CNOT1: variants seen among roughly 807,000 people sequenced by gnomAD.
The protein encoded by CNOT1 is CCR4-associated factor 1.
Under a neutral mutation model 273.8 loss-of-function variants are expected in CNOT1, and 15 were observed. The observed-to-expected ratio is 0.05, with a 90% CI of 0.04 to 0.08. The LOEUF (loss-of-function observed/expected upper bound fraction) is 0.08. Among genes scored for constraint, CNOT1 ranks in the 10% least tolerant of loss-of-function variants. The pLI is 1.00. For missense variants in CNOT1, 1,644 were observed against 2,912.2 expected (o/e 0.56, Z 10.02); for synonymous variants, 1,022 against 1,005.5 (o/e 1.02, Z -0.31).
chr16:58,602,180 T>C (rs2042490316), intron 1 of CNOT1, among the ~76,000 whole-genome samples: 2 of 151,016 alleles, frequency 1.3e-5, no homozygotes, highest in South Asian at 4.3e-4. Flanking sequence ...ACGATTCTCC[T>C]GCCTCAGCCT....
intron 1 of CNOT1, among the ~76,000 whole-genome samples, chr16:58,621,860 GACATCGCACC>G (rs2043334258): frequency 7.1e-6 from 1 of 141,796 alleles, no homozygotes; most frequent in East Asian, 2.2e-4. Context: ...GCAGTGAGCC[GACATCGCACC>G]ACTGCACTCC....
At chr16:58,618,161 G>C (rs1597612126) in intron 1 of CNOT1, among the ~76,000 whole-genome samples, 1 of 152,126 alleles carries the variant, frequency 6.6e-6, no homozygotes, top group Admixed American at 6.6e-5. Context: ...GTGGTGGATT[G>C]TGTACTTGCA....
At chr16:58,602,553 CAAAAAAAAAA>C (rs60230860) in intron 1 of CNOT1, among the ~76,000 whole-genome samples, 5 of 57,972 alleles carry the variant, frequency 8.6e-5, no homozygotes, top group African/African-American at 2.5e-4. Flanking sequence ...ACTCTGTCTC[CAAAAAAAAAA>C]AAAAAAAAAA....
chr16:58,541,687 G>A, intron 33 of CNOT1, 67 bp from the exon 34 acceptor site: 2 of 1,538,030 alleles, frequency 1.3e-6, no homozygotes, highest in Non-Finnish European at 1.8e-6. Context: ...TTTGAAAGTG[G>A]AAAGTCTGCA....
intron 1 of CNOT1, among the ~76,000 whole-genome samples, chr16:58,618,870 T>C (rs1331082447): frequency 6.6e-6 from 1 of 152,116 alleles, no homozygotes; most frequent in African/African-American, 2.4e-5. Flanking sequence ...AACAGCCTTG[T>C]GTATGTGCCT....
rs1158300433 is a variant in CNOT1, at chr16:58,576,575, G to A, written c.1592C>T (p.Ser531Phe). 1 of 1,614,044 alleles carries A rather than the reference G, an allele frequency of 6.2e-7. No homozygotes were observed. The highest frequency in any genetic ancestry group is 8.5e-7 in the Non-Finnish European group (1 of 1,180,006). The stretch of plus-strand genomic sequence containing the variant: ...CATGATAAGTTGGCGAATTGAGGGA[G>A]ACTGTCCCTAAAAAGGGGAAGAAAG... ...LHYAWHGQGQSPSIRQLIMHA... is the reference protein window; with the variant it reads ...LHYAWHGQGQFPSIRQLIMHA... Residue 531 changes from serine to phenylalanine, a missense_variant, in exon 14 of 49, where the codon TCT becomes TTT. Coordinates refer to ENST00000317147, the MANE Select transcript of CNOT1 (RefSeq NM_016284.5).
At chr16:58,538,697 G>T (rs1455470107) in intron 36 of CNOT1, 75 bp downstream of exon 36, 1 of 1,580,212 alleles carries the variant, frequency 6.3e-7, no homozygotes, top group Non-Finnish European at 8.6e-7. Flanking sequence ...GAAACCCCTG[G>T]ACATAAACAG....
rs1211578963 is a variant in CNOT1, at chr16:58,532,069, T to C, written c.6066A>G (p.Thr2022=). 1.9e-6 allele frequency: 3 copies of C among 1,613,960 alleles called. No individual in the cohort carries two copies. The highest frequency in any genetic ancestry group is 2.5e-6 in the Non-Finnish European group (3 of 1,180,032). Residue 2022 remains threonine (T), a synonymous_variant, in exon 42 of 49, where the codon ACA becomes ACG. Coordinates refer to ENST00000317147, the MANE Select transcript of CNOT1 (RefSeq NM_016284.5). ...CTTTGGTAGGCCTCAAGATGTGGAA[T>C]GTATTGCTGAAAGAAGAAAAACCTT... ...NFQTLTAFCN[T]FHILRPTKAP...
intron 16 of CNOT1, among the ~76,000 whole-genome samples, chr16:58,563,680 G>A (rs943458431): frequency 1.3e-5 from 2 of 152,150 alleles, no homozygotes; most frequent in African/African-American, 4.8e-5. Context: ...ACTTCATAGA[G>A]ATACCGTATC....
At chr16:58,575,201 T>C in intron 14 of CNOT1, 72 bp from the exon 15 acceptor site, 1 of 1,559,434 alleles carries the variant, frequency 6.4e-7, no homozygotes, top group Non-Finnish European at 8.6e-7. Flanking sequence ...TATTCTGTTT[T>C]TCGCTTTCCA....
chr16:58,521,464 C>T, intron 47 of CNOT1, 147 bp from the exon 48 acceptor site: 1 of 733,732 alleles, frequency 1.4e-6, no homozygotes, highest in Non-Finnish European at 2.2e-6. Context: ...GATTAATATA[C>T]TCCAAATAGC....
Position 58,520,963 on chromosome 16 carries a change from T to A in CNOT1, c.7126A>T (p.Ser2376Cys). The A allele has an allele frequency of 6.2e-7, 1 of 1,613,622 alleles. No individual in the cohort carries two copies. The highest frequency in any genetic ancestry group is 8.5e-7 in the Non-Finnish European group (1 of 1,180,042). ...AQQVMEGTGA[S>C] ...CAACAGAGATGCAGTTTCGTCTAAC[T>A]GGCACCTGTCCCTTCCATTACTTGC... is the stretch of plus-strand genomic sequence containing the variant. Residue 2376 changes from serine (S) to cysteine (C), a missense_variant, in exon 49 of 49, where the codon AGT (serine) becomes TGT (cysteine). This residue lies in a region of CNOT1 where 140 missense variants were observed against 324.6 expected (regional missense o/e 0.43). Coordinates refer to ENST00000317147, the MANE Select transcript of CNOT1 (RefSeq NM_016284.5).
At position 58,581,523 on chromosome 16, in the gene CNOT1, A is replaced by T; in HGVS notation, c.1045-8T>A. ...GAAATTCAAACTTGGATTCTAAAAA[A>T]GACCAAAGCAGTTTAAAATGTAATG... On this transcript the variant is annotated splice_region_variant and splice_polypyrimidine_tract_variant and intron_variant, in intron 10 of 48. Coordinates refer to ENST00000317147, the MANE Select transcript of CNOT1 (RefSeq NM_016284.5). The T allele has an allele frequency of 1.2e-6, 2 of 1,605,760 alleles. No homozygotes were observed. Among genetic ancestry groups the T allele is most frequent in the Non-Finnish European group, 1.7e-6 (2 of 1,176,662 alleles).
intron 16 of CNOT1, among the ~76,000 whole-genome samples, chr16:58,567,376 G>A (rs1191461352): frequency 4.0e-5 from 6 of 151,586 alleles, no homozygotes; most frequent in East Asian, 3.9e-4. Flanking sequence ...TAATCCCAGC[G>A]CTTTCGGAAG....
intron 4 of CNOT1, 119 bp downstream of exon 4, chr16:58,587,661 C>A (rs993995268): frequency 4.1e-6 from 5 of 1,223,366 alleles, no homozygotes; most frequent in East Asian, 4.9e-5. Context: ...ATAAAAGACA[C>A]CCCAAAATAA....
intron 1 of CNOT1, among the ~76,000 whole-genome samples, chr16:58,603,835 GCC>G (rs2152017695): frequency 6.6e-6 from 1 of 152,072 alleles, no homozygotes; most frequent in South Asian, 2.1e-4. Flanking sequence ...CCACACCCCT[GCC>G]CCATGCATTT....
rs577241866 is a variant in CNOT1 at position 58,590,523 on chromosome 16, A to G, written c.103-1617T>C. Among the ~76,000 whole-genome samples, 855 of 152,164 alleles carry G rather than the reference A, an allele frequency of 5.6e-3. 4 individuals are homozygous for G. The highest frequency in any genetic ancestry group is 9.4e-3 in the Non-Finnish European group (639 of 68,014). On this transcript the variant is annotated intron_variant, in intron 2 of 48. Coordinates refer to ENST00000317147, the MANE Select transcript of CNOT1 (RefSeq NM_016284.5). The stretch of plus-strand genomic sequence containing the variant: ...TGTATGAGAATCGCTTGAACCCAGG[A>G]GGCGGAGGTTGCAGTGAGCAGAGAT...
At chr16:58,534,455 T>C (rs2039866624) in intron 39 of CNOT1, 60 bp from the exon 40 acceptor site, 1 of 1,557,584 alleles carries the variant, frequency 6.4e-7, no homozygotes. Context: ...AAACTTCATA[T>C]ACCTTTAATT....
chr16:58,578,445 A>G (rs1457481511), intron 13 of CNOT1, among the ~76,000 whole-genome samples: 1 of 130,242 alleles, frequency 7.7e-6, no homozygotes, highest in Non-Finnish European at 1.7e-5. Context: ...AGAGCAAGAC[A>G]CCATCTCAAA....
Sources: allele counts gnomAD v4.1 joint callset (sites outside exome capture counted in the v4.1 genomes callset), GRCh38; gene constraint gnomAD v4.1.1; regional missense constraint gnomAD v4.1.1; transcripts MANE v1.5; gene names NCBI Gene and HGNC (gene_info 2026-07-23, HGNC 2026-07-21).